The following ADGRG2 variants were observed in gnomAD, a reference collection of about 807,000 sequenced individuals.
ADGRG2 encodes adhesion G protein-coupled receptor G2.
Under a neutral mutation model 74.1 loss-of-function variants are expected in ADGRG2, and 26 were observed. The ratio of observed to expected loss-of-function variants is 0.35; its 90% CI spans 0.26 to 0.49. The LOEUF (loss-of-function observed/expected upper bound fraction) is 0.49. ADGRG2 is among the 20% of genes least tolerant of loss of function. ADGRG2 has a pLI of 0.99. For synonymous variants in ADGRG2, 296 were observed against 295.2 expected, an observed-to-expected ratio of 1.00 and a Z score of -0.03; for missense variants, 619 against 763.1, an observed-to-expected ratio of 0.81 and a Z score of 2.22.
chrX:19,061,301 T>G (rs910765399), intron 3 of ADGRG2, among the ~76,000 whole-genome samples: 2 of 111,395 alleles, frequency 1.8e-5, no homozygotes, highest in Non-Finnish European at 3.8e-5. Context: ...TCGAAACCAA[T>G]TAGACAACCA....
At chrX:19,102,234 G>A (rs933764080) in intron 1 of ADGRG2, among the ~76,000 whole-genome samples, 1 of 109,667 alleles carries the variant, frequency 9.1e-6, no homozygotes, top group African/African-American at 3.3e-5. Context: ...TCTTTAAAAG[G>A]CAATGTCTTT....
intron 11 of ADGRG2, among the ~76,000 whole-genome samples, chrX:19,025,815 A>G (rs897570706): frequency 7.3e-5 from 8 of 110,096 alleles, no homozygotes; most frequent in African/African-American, 2.7e-4. Flanking sequence ...GAACTGCTTG[A>G]ACCCAGGAGG....
At chrX:19,114,089 A>AG (rs2062466735) in intron 1 of ADGRG2, among the ~76,000 whole-genome samples, 2 of 105,007 alleles carry the variant, frequency 1.9e-5, no homozygotes, top group African/African-American at 3.5e-5. Flanking sequence ...AAAAAAAAAA[A>AG]GTAAAAAAAA....
intron 25 of ADGRG2, 21 bp from the exon 26 acceptor site, chrX:18,999,300 G>A (rs192802610): frequency 2.2e-4 from 246 of 1,137,579 alleles, no homozygotes; most frequent in African/African-American, 1.6e-3. Context: ...TGGAGGGGGG[G>A]AAACAGGGGA....
At chrX:19,087,811 T>C (rs978312888) in intron 1 of ADGRG2, among the ~76,000 whole-genome samples, 1 of 111,506 alleles carries the variant, frequency 9.0e-6, no homozygotes, top group East Asian at 2.8e-4. Context: ...AAGCTTTCTT[T>C]TCTCTCTTCC....
At chrX:19,110,642 C>T (rs1340965453) in intron 1 of ADGRG2, among the ~76,000 whole-genome samples, 2 of 106,200 alleles carry the variant, frequency 1.9e-5, no homozygotes, top group Admixed American at 2.1e-4. Context: ...GCCAAGATTG[C>T]GCCACTGCAC....
At chrX:19,070,439 G>T (rs746291622) in intron 2 of ADGRG2, among the ~76,000 whole-genome samples, 198 of 111,786 alleles carry the variant, frequency 1.8e-3, no homozygotes, top group African/African-American at 5.9e-3. Flanking sequence ...TCAGCACACA[G>T]AAAGAATTGC....
At chrX:19,060,636 C>A (rs1282893849) in intron 3 of ADGRG2, among the ~76,000 whole-genome samples, 2 of 108,018 alleles carry the variant, frequency 1.9e-5, no homozygotes, top group Non-Finnish European at 3.8e-5. Context: ...GCAACCTCTG[C>A]TCCCAGGTTC....
At chrX:19,086,794 G>C (rs1367592422) in intron 1 of ADGRG2, among the ~76,000 whole-genome samples, 1 of 111,580 alleles carries the variant, frequency 9.0e-6, no homozygotes, top group Non-Finnish European at 1.9e-5. Flanking sequence ...ATCCTGGAGG[G>C]CTCAGCACTT....
chrX:19,008,522 C>T (rs1469758759), intron 18 of ADGRG2, among the ~76,000 whole-genome samples: 3 of 110,378 alleles, frequency 2.7e-5, no homozygotes, highest in African/African-American at 6.6e-5. Flanking sequence ...AAAAATTAGC[C>T]GGGTGTGGTG....
intron 28 of ADGRG2, among the ~76,000 whole-genome samples, chrX:18,992,392 C>T (rs2148075726): frequency 8.9e-6 from 1 of 112,207 alleles, no homozygotes; most frequent in African/African-American, 3.2e-5. Context: ...TGGGTTCAAG[C>T]GATTCTCCTG....
chrX:19,014,165 C>G, intron 15 of ADGRG2, 91 bp from the exon 16 acceptor site: 1 of 705,731 alleles, frequency 1.4e-6, no homozygotes, highest in Non-Finnish European at 2.1e-6. Context: ...CTGACACCGT[C>G]AAGTTGACGT....
rs1341649191 is a variant in ADGRG2, at chrX:19,081,116, C to T, written c.-2+1586G>A. On this transcript the variant is annotated intron_variant, in intron 2 of 28. Transcript: ENST00000379869. ...AAATCAATAGTGATTTTTTTTAAAACAACAAACAAAAGATACTTTCTCTTC... is the reference window on the plus strand; with the variant it reads ...AAATCAATAGTGATTTTTTTTAAAATAACAAACAAAAGATACTTTCTCTTC... 3.6e-5 allele frequency among the ~76,000 whole-genome samples: 4 copies of T among 110,239 alleles called. No individual in the cohort carries two copies. The East Asian group carries it at 8.5e-4, about 23-fold the overall frequency.
At chrX:19,021,285 A>T in intron 13 of ADGRG2, 87 bp from the exon 14 acceptor site, 1 of 542,023 alleles carries the variant, frequency 1.8e-6, no homozygotes. Context: ...ACTTAGAGTG[A>T]GGAAAGGGGA....
chrX:19,028,742 C>T (rs1183389943), intron 9 of ADGRG2, among the ~76,000 whole-genome samples: 1 of 111,642 alleles, frequency 9.0e-6, no homozygotes, highest in Non-Finnish European at 1.9e-5. Flanking sequence ...TGTCCTGCGC[C>T]GCATGTGGCC....
At chrX:19,018,148 A>G (rs1303936886) in intron 15 of ADGRG2, among the ~76,000 whole-genome samples, 1 of 111,137 alleles carries the variant, frequency 9.0e-6, no homozygotes, top group East Asian at 2.8e-4. Flanking sequence ...TTTTTGAGAC[A>G]GCGTGTTGCT....
chrX:19,112,923 A>T (rs1340049897), intron 1 of ADGRG2, among the ~76,000 whole-genome samples: 2 of 101,829 alleles, frequency 2.0e-5, no homozygotes, highest in African/African-American at 3.6e-5. Context: ...GCGCCACTGC[A>T]CTCCAGCCTG....
chrX:19,105,949 AAG>A (rs1380255030), intron 1 of ADGRG2, among the ~76,000 whole-genome samples: 1 of 104,865 alleles, frequency 9.5e-6, no homozygotes, highest in Non-Finnish European at 2.0e-5. Flanking sequence ...AAAAAAAAAA[AAG>A]AAGAAGAAGA....
In ADGRG2 at chrX:19,021,344, C is replaced by T. The variant is rs1006794113; in HGVS notation, c.549-146G>A. The T allele has an allele frequency of 1.8e-5, 9 of 503,708 alleles. No homozygotes were observed. The Admixed American group carries it at 2.4e-4, about 14-fold the overall frequency. The allele number at this position is 503,708 out of a possible 1,213,427, so 41.5% of individuals were successfully genotyped here. ...GTCACCCCAATAAGCTTGTAAATAC[C>T]CATTTACCACGGTCTGAATTTTACC... On this transcript the variant is annotated intron_variant, in intron 13 of 28. Transcript: ENST00000379869.
Sources: gnomAD v4.1 joint callset for allele counts (sites outside exome capture counted in the v4.1 genomes callset) on GRCh38, gnomAD v4.1.1 for gene constraint, MANE v1.5 for transcripts, NCBI Gene and HGNC (gene_info 2026-07-23, HGNC 2026-07-21) for gene names.